Variants in BTBD10 observed in about 807,000 individuals in gnomAD.
BTBD10 encodes BTB/POZ domain-containing protein 10.
A neutral mutation model predicts 53.2 loss-of-function variants in BTBD10; 21 were observed. That is an observed-to-expected ratio of 0.39 (90% CI 0.28 to 0.57). BTBD10 has a LOEUF of 0.57. Among genes scored for constraint, BTBD10 ranks in the 20% least tolerant of loss-of-function variants. The pLI is 0.53. For missense variants in BTBD10, 360 were observed against 594.7 expected, an observed-to-expected ratio of 0.61 and a Z score of 4.10; for synonymous variants, 149 against 192.7, an observed-to-expected ratio of 0.77 and a Z score of 1.88.
chr11:13,419,566 C>G lies in BTBD10; in HGVS notation c.478G>C (p.Ala160Pro). ...CGTTCTGACGTTCTTATATTCCGAG[C>G]TCCTTCTTTTGCATTTTCATATACA... Reference protein sequence around the residue: ...VFVYENAKEGARNIRTSERVT... With the variant: ...VFVYENAKEGPRNIRTSERVT... The change falls in exon 4 of 9, where the codon GCT (alanine) becomes CCT (proline). Residue 160 changes from alanine (A) to proline (P), a missense_variant. This residue lies in a region of BTBD10 where 109 missense variants were observed against 118.6 expected (regional missense o/e 0.92). Coordinates refer to ENST00000278174, the MANE Select transcript of BTBD10 (RefSeq NM_032320.7). 4.3e-6 allele frequency: 7 copies of G among 1,614,072 alleles called. No individual in the cohort carries two copies. The highest frequency in any genetic ancestry group is 4.2e-6 in the Non-Finnish European group (5 of 1,179,976).
At chr11:13,436,160 G>A (rs60466756) in intron 2 of BTBD10, among the ~76,000 whole-genome samples, 14,753 of 152,200 alleles carry the variant, frequency 0.097, 971 homozygotes, top group Admixed American at 0.19. Flanking sequence ...TGACAGGGAA[G>A]GGGAACTTTT....
intron 8 of BTBD10, among the ~76,000 whole-genome samples, chr11:13,392,749 C>A (rs1428387827): frequency 6.6e-6 from 1 of 152,136 alleles, no homozygotes; most frequent in African/African-American, 2.4e-5. Flanking sequence ...ACAATCCCAT[C>A]CAATTAAAGA....
rs746471844 is a variant in BTBD10, at chr11:13,421,766, A to C, written c.174T>G (p.His58Gln). 2.9e-5 allele frequency: 47 copies of C among 1,613,934 alleles called. No homozygotes were observed. The highest frequency in any genetic ancestry group is 3.8e-5 in the Non-Finnish European group (45 of 1,180,000). ...ACCTTCGTCTATCTCTTGATCTCTC[A>C]TGTCCCCCACTAGCACCATGTAGAC... ...KMSLHGASGG[H>Q]ERSRDRRRSS... Residue 58 changes from histidine (H) to glutamine (Q), a missense_variant, in exon 3 of 9, where the codon CAT (histidine) becomes CAG (glutamine). By Grantham distance (24) the His-to-Gln change is conservative. Around this residue, in one of 6 missense-constraint regions of BTBD10, gnomAD observed 81 missense variants for 82.6 expected, o/e 0.98. Transcript: ENST00000278174.
At chr11:13,421,332 AT>A (rs1950238539) in intron 3 of BTBD10, among the ~76,000 whole-genome samples, 1 of 152,210 alleles carries the variant, frequency 6.6e-6, no homozygotes, top group Admixed American at 6.5e-5. Flanking sequence ...ACTACAAACT[AT>A]TGCTATATAT....
At chr11:13,448,772 A>G (rs1950796108) in intron 1 of BTBD10, among the ~76,000 whole-genome samples, 2 of 152,092 alleles carry the variant, frequency 1.3e-5, no homozygotes, top group African/African-American at 2.4e-5. Flanking sequence ...CTCGTTTCCT[A>G]TATCTAAACT....
intron 1 of BTBD10, among the ~76,000 whole-genome samples, chr11:13,455,816 TTTATG>T (rs1382280092): frequency 1.3e-5 from 2 of 152,208 alleles, no homozygotes; most frequent in Admixed American, 6.5e-5. Context: ...TCCATGATGC[TTTATG>T]TTTTTTCATA....
rs1949443405 is a variant in BTBD10 at position 13,392,807 on chromosome 11, T to A, written c.1118-3666A>T. ...TCCTATATTCTATGGGAACTGTAAT[T>A]CCACAATTATTTTAGAGTTTGTTGT... On this transcript the variant is annotated intron_variant, in intron 8 of 8. Transcript: ENST00000278174. 2.0e-5 allele frequency among the ~76,000 whole-genome samples: 3 copies of A among 152,188 alleles called. No individual in the cohort carries two copies. The South Asian group carries it at 6.2e-4, about 31-fold the overall frequency.
intron 2 of BTBD10, chr11:13,440,043 C>T: frequency 6.5e-7 from 1 of 1,531,622 alleles, no homozygotes; most frequent in South Asian, 1.2e-5. Flanking sequence ...ATATTTCCAT[C>T]ATCTTCAAGA....
At chr11:13,446,574 AG>A (rs1216520369) in intron 1 of BTBD10, among the ~76,000 whole-genome samples, 19 of 152,180 alleles carry the variant, frequency 1.2e-4, no homozygotes, top group Non-Finnish European at 2.1e-4. Context: ...AGTGGGGGAA[AG>A]GAAGAACTGC....
intron 2 of BTBD10, among the ~76,000 whole-genome samples, chr11:13,427,781 T>C (rs542972749): frequency 1.3e-5 from 2 of 152,178 alleles, no homozygotes; most frequent in Non-Finnish European, 2.9e-5. Context: ...GTATGTTCTC[T>C]GATTACAATG....
intron 5 of BTBD10, among the ~76,000 whole-genome samples, chr11:13,415,821 T>C (rs990525580): frequency 1.3e-5 from 2 of 151,858 alleles, no homozygotes; most frequent in African/African-American, 4.8e-5. Flanking sequence ...AGCTAATTTT[T>C]GGAAATATTC....
intron 1 of BTBD10, among the ~76,000 whole-genome samples, chr11:13,451,073 A>G (rs1591171605): frequency 1.3e-5 from 2 of 152,176 alleles, no homozygotes; most frequent in East Asian, 3.9e-4. Context: ...AGGTAGATGT[A>G]GTGGAAGTGA....
chr11:13,445,084 T>C lies in BTBD10; in HGVS notation c.41A>G (p.Asp14Gly), dbSNP rs1238345427. 2 of 1,613,274 alleles carry C rather than the reference T, an allele frequency of 1.2e-6. No homozygotes were observed. The highest frequency in any genetic ancestry group is 1.7e-6 in the Non-Finnish European group (2 of 1,179,512). The change falls in exon 2 of 9, where the codon GAT (aspartate) becomes GGT (glycine). Residue 14 changes from aspartate to glycine, a missense_variant. This residue lies in a region of BTBD10 where 81 missense variants were observed against 82.6 expected (regional missense o/e 0.98). Coordinates refer to ENST00000278174, the MANE Select transcript of BTBD10 (RefSeq NM_032320.7). ...CAATTTCCGATCCCAATTCTCTGGA[T>C]CACTGGAGTTACCATCATAGGGATG... ...RPHPYDGNSS[D>G]PENWDRKLHS...
At chr11:13,417,519 T>C (rs1950142807) in intron 4 of BTBD10, among the ~76,000 whole-genome samples, 1 of 152,118 alleles carries the variant, frequency 6.6e-6, no homozygotes, top group African/African-American at 2.4e-5. Flanking sequence ...AGAGCTTTCC[T>C]ACCCCTTCTC....
intron 2 of BTBD10, among the ~76,000 whole-genome samples, chr11:13,438,669 A>G (rs1304569852): frequency 6.6e-6 from 1 of 151,956 alleles, no homozygotes; most frequent in Non-Finnish European, 1.5e-5. Flanking sequence ...CACAGAAAAA[A>G]CAGGTTATAT....
rs200413110 is a variant in BTBD10, at chr11:13,419,685, G to C, written c.359C>G (p.Pro120Arg). 1.5e-5 allele frequency: 25 copies of C among 1,613,740 alleles called. No individual in the cohort carries two copies. The African/African-American group carries it at 3.1e-4, about 20-fold the overall frequency. The change falls in exon 4 of 9, where the codon CCA (proline) becomes CGA (arginine). Residue 120 changes from proline to arginine, a missense_variant. Physicochemically the swap from Pro to Arg is moderately radical, Grantham distance 103. Around this residue, in one of 6 missense-constraint regions of BTBD10, gnomAD observed 109 missense variants for 118.6 expected, o/e 0.92. Coordinates refer to ENST00000278174, the MANE Select transcript of BTBD10 (RefSeq NM_032320.7). ...CCCAGCACTGCTAATGGAACCATTT[G>C]GGGATGCTTTTTGAGGACGCGGACT... ...PSSPRPQKAS[P>R]NGSISSAGNS...
intron 2 of BTBD10, among the ~76,000 whole-genome samples, chr11:13,424,794 G>A (rs1333171152): frequency 6.6e-6 from 1 of 152,140 alleles, no homozygotes; most frequent in East Asian, 1.9e-4. Flanking sequence ...CGGCACATCA[G>A]GCAATGAAAG....
chr11:13,453,142 T>C (rs1950897041), intron 1 of BTBD10, among the ~76,000 whole-genome samples: 1 of 152,066 alleles, frequency 6.6e-6, no homozygotes, highest in Non-Finnish European at 1.5e-5. Context: ...CTCTGCACAA[T>C]ATATCATGCA....
chr11:13,404,669 A>G, intron 7 of BTBD10: 1 of 909,528 alleles, frequency 1.1e-6, no homozygotes, highest in Non-Finnish European at 1.3e-6. Flanking sequence ...AGGAAATAGC[A>G]ACAGAAATGT....
Sources: allele counts gnomAD v4.1 joint callset (sites outside exome capture counted in the v4.1 genomes callset), GRCh38; gene constraint gnomAD v4.1.1; regional missense constraint gnomAD v4.1.1; transcripts MANE v1.5; gene names NCBI Gene and HGNC (gene_info 2026-07-23, HGNC 2026-07-21).